Variants in TICRR observed in about 807,000 individuals in gnomAD.
TICRR encodes the protein TOPBP1 interacting checkpoint and replication regulator, also known as treslin.
Under a neutral mutation model 178.1 loss-of-function variants are expected in TICRR, and 132 were observed. That is an observed-to-expected ratio of 0.74 (90% CI 0.64 to 0.86). The LOEUF (loss-of-function observed/expected upper bound fraction) is 0.86, where lower values mean the gene tolerates loss of function less well. Among genes scored for constraint, TICRR ranks in the 40% least tolerant of loss-of-function variants. TICRR has a pLI of 0.00. For missense variants in TICRR, 2,587 were observed against 2,334.3 expected (o/e 1.11, Z -2.23); for synonymous variants, 991 against 900.7 (o/e 1.10, Z -1.79).
intron 15 of TICRR, 149 bp downstream of exon 15, chr15:89,609,098 A>ATTTTTTTTTTT (rs1404698569): frequency 6.0e-6 from 1 of 167,110 alleles, no homozygotes; most frequent in African/African-American, 5.9e-5. Context: ...AATTTTGTTA[A>ATTTTTTTTTTT]TCTTTTTTTT....
At chr15:89,607,803 C>T (rs1184732108) in intron 14 of TICRR, among the ~76,000 whole-genome samples, 1 of 152,084 alleles carries the variant, frequency 6.6e-6, no homozygotes, top group Non-Finnish European at 1.5e-5. Flanking sequence ...TCACTTCCAC[C>T]AGACTATCTT....
At position 89,625,656 on chromosome 15, in the gene TICRR, AGCTGAC is replaced by A; in HGVS notation, c.5347_5352del (p.Ala1783_Asp1784del). 2 of 1,613,742 alleles carry A rather than the reference AGCTGAC, an allele frequency of 1.2e-6. No individual in the cohort carries two copies. Among genetic ancestry groups the A allele is most frequent in the Non-Finnish European group, 1.7e-6 (2 of 1,180,028 alleles). On this transcript the variant is annotated inframe_deletion, in exon 20 of 22. Transcript: ENST00000268138. ...AGAGAGTCCTGTTGGCCAAGGAAGA[AGCTGAC>A]CGTGGAGCCAAAAGGATCTGTGACC...
At chr15:89,617,719 G>A (rs1963358191) in intron 16 of TICRR, among the ~76,000 whole-genome samples, 1 of 137,402 alleles carries the variant, frequency 7.3e-6, no homozygotes, top group Non-Finnish European at 1.5e-5. Flanking sequence ...TTGAGACAGA[G>A]TCTAGCTCTG....
At position 89,624,776 on chromosome 15, in the gene TICRR, AG is replaced by A; in HGVS notation, c.4470del (p.Leu1491Ter). On this transcript the variant is annotated frameshift_variant, in exon 20 of 22. Coordinates refer to ENST00000268138, the MANE Select transcript of TICRR (RefSeq NM_152259.4). LOFTEE classifies it high-confidence loss of function. The part of the protein sequence containing the change: ...KSNVLSVEEG[E>X]GLRTADAEKS... ...AACGTCTTATCAGTGGAAGAGGGTG[AG>A]GGGCTAAGGACAGCAGATGCTGAGA... is the stretch of plus-strand genomic sequence containing the variant. The A allele has an allele frequency of 6.2e-7, 1 of 1,614,176 alleles. No homozygotes were observed. Among genetic ancestry groups the A allele is most frequent in the Non-Finnish European group, 8.5e-7 (1 of 1,180,032 alleles).
At chr15:89,588,087 GGTGAGTGATGTTGGT>G (rs1405278512) in intron 4 of TICRR, among the ~76,000 whole-genome samples, 3 of 152,164 alleles carry the variant, frequency 2.0e-5, no homozygotes, top group African/African-American at 7.2e-5. Context: ...GGGATGCCAA[GGTGAGTGATGTTGGT>G]GTGAGTGTAC....
In TICRR at chr15:89,624,337, C is replaced by G. The variant is rs377334134; in HGVS notation, c.4027C>G (p.Pro1343Ala). 1.2e-6 allele frequency: 2 copies of G among 1,614,106 alleles called. No individual in the cohort carries two copies. Among genetic ancestry groups the G allele is most frequent in the Non-Finnish European group, 8.5e-7 (1 of 1,180,014 alleles). ...CCCAGGAGAACTGGATCAGAAAGAG[C>G]CCCAGATGTCACCCAGCGTAGCTGC... is the stretch of plus-strand genomic sequence containing the variant. ...PSPGELDQKE[P>A]QMSPSVAASL... The change falls in exon 20 of 22, where the codon CCC (proline) becomes GCC (alanine). Residue 1343 changes from proline (P) to alanine (A), a missense_variant. Physicochemically the swap from Pro to Ala is conservative, Grantham distance 27. Transcript: ENST00000268138.
rs1359009776 is a variant in TICRR at position 89,624,190 on chromosome 15, A to C, written c.3880A>C (p.Arg1294=). The change falls in exon 20 of 22, where the codon AGA becomes CGA. Residue 1294 remains arginine, a synonymous_variant. Coordinates refer to ENST00000268138, the MANE Select transcript of TICRR (RefSeq NM_152259.4). ...LKDKAIKTPK[R]PGNSTVTSSP... ...GGATAAAGCTATCAAAACTCCAAAA[A>C]GACCAGGGAATTCAACTGTGACTTC... 1.2e-6 allele frequency: 2 copies of C among 1,614,152 alleles called. No individual in the cohort carries two copies. Among genetic ancestry groups the C allele is most frequent in the East Asian group, 4.5e-5 (2 of 44,878 alleles).
chr15:89,627,217 G>A lies in TICRR; in HGVS notation c.*131G>A. On this transcript the variant is annotated 3_prime_UTR_variant, in exon 22 of 22. Coordinates refer to ENST00000268138, the MANE Select transcript of TICRR (RefSeq NM_152259.4). Reference sequence around the variant, plus strand: ...CAGATTGCCATTAGAATGCCTTAGGGTTTTCTAATTCCCCTTATGGATCCA... The same window carrying A: ...CAGATTGCCATTAGAATGCCTTAGGATTTTCTAATTCCCCTTATGGATCCA... 1.8e-6 allele frequency: 2 copies of A among 1,129,526 alleles called. No homozygotes were observed. The highest frequency in any genetic ancestry group is 1.3e-6 in the Non-Finnish European group (1 of 796,900). 70.0% of individuals were successfully genotyped at this position (1,129,526 alleles called of 1,614,324 possible).
chr15:89,619,191 A>T (rs1963382689), intron 17 of TICRR, among the ~76,000 whole-genome samples: 2 of 151,148 alleles, frequency 1.3e-5, no homozygotes, highest in South Asian at 4.2e-4. Flanking sequence ...AACCTAACAT[A>T]AATACTTGTT....
intron 4 of TICRR, chr15:89,591,383 C>G (rs1047508138): frequency 1.3e-5 from 2 of 152,118 alleles, no homozygotes; most frequent in Admixed American, 6.5e-5. Flanking sequence ...CTCGGCCTCC[C>G]AAAATGCTGG....
intron 7 of TICRR, among the ~76,000 whole-genome samples, chr15:89,597,986 G>T (rs1963026350): frequency 6.6e-6 from 1 of 152,104 alleles, no homozygotes; most frequent in African/African-American, 2.4e-5. Flanking sequence ...TATTTAGGGG[G>T]GGTGCTAATT....
chr15:89,596,243 A>G (rs1212970164), intron 7 of TICRR, among the ~76,000 whole-genome samples: 1 of 152,268 alleles, frequency 6.6e-6, no homozygotes, highest in African/African-American at 2.4e-5. Context: ...CCTTACTTTT[A>G]ATAGTATTTT....
rs1963050783 is a variant in TICRR, at chr15:89,599,177, C to T, written c.1901-147C>T. On this transcript the variant is annotated intron_variant, in intron 7 of 21. Coordinates refer to ENST00000268138, the MANE Select transcript of TICRR (RefSeq NM_152259.4). ...ACTAGATGGCCAGCAGCCACCCCCG[C>T]CCCCACCACCATCAGTCATGACAAT... 1.6e-5 allele frequency: 9 copies of T among 574,874 alleles called. 1 individual carries two copies. The highest frequency in any genetic ancestry group is 4.8e-5 in the South Asian group (2 of 41,568). 35.6% of individuals were successfully genotyped at this position (574,874 alleles called of 1,614,324 possible).
intron 9 of TICRR, among the ~76,000 whole-genome samples, chr15:89,600,983 C>G (rs1466058460): frequency 7.5e-6 from 1 of 133,696 alleles, no homozygotes; most frequent in Non-Finnish European, 1.5e-5. Context: ...GAGCTCAAGA[C>G]TACTGTGAGC....
intron 4 of TICRR, among the ~76,000 whole-genome samples, chr15:89,588,170 C>A (rs1962853275): frequency 6.6e-6 from 1 of 152,014 alleles, no homozygotes; most frequent in Admixed American, 6.5e-5. Context: ...ACATCATCAG[C>A]TGAAAATGAA....
intron 4 of TICRR, among the ~76,000 whole-genome samples, chr15:89,588,113 G>A (rs1055138313): frequency 6.6e-6 from 1 of 152,108 alleles, no homozygotes; most frequent in South Asian, 2.1e-4. Context: ...GTGAGTGTAC[G>A]GGGTTCTCTT....
chr15:89,600,453 G>A (rs980761893), intron 8 of TICRR, 132 bp from the exon 9 acceptor site: 12 of 457,064 alleles, frequency 2.6e-5, no homozygotes, highest in African/African-American at 6.1e-5. Context: ...GAATATTCAC[G>A]TCACTTTTTC....
In TICRR at chr15:89,619,711, T is replaced by A; in HGVS notation, c.3023T>A (p.Ile1008Lys). The A allele has an allele frequency of 6.2e-7, 1 of 1,607,352 alleles. No individual in the cohort carries two copies. The highest frequency in any genetic ancestry group is 1.1e-5 in the South Asian group (1 of 89,324). ...VEESPEKGDEISLRRSPRIKQ... is the reference protein window; with the variant it reads ...VEESPEKGDEKSLRRSPRIKQ... ...TACTGTGGTTCTGATTTTACAGAAA[T>A]AAGTCTGAGACGAAGTCCTCGAATC... The change falls in exon 18 of 22, where the codon ATA (isoleucine) becomes AAA (lysine). Residue 1008 changes from isoleucine (I) to lysine (K), a missense_variant. Transcript: ENST00000268138.
chr15:89,601,254 G>A, intron 9 of TICRR, 44 bp from the exon 10 acceptor site: 1 of 1,567,450 alleles, frequency 6.4e-7, no homozygotes, highest in South Asian at 1.1e-5. Flanking sequence ...TTTTTGTTTA[G>A]TGACATCCAA....
Sources: allele counts gnomAD v4.1 joint callset (sites outside exome capture counted in the v4.1 genomes callset), GRCh38; gene constraint gnomAD v4.1.1; transcripts MANE v1.5; gene names NCBI Gene and HGNC (gene_info 2026-07-23, HGNC 2026-07-21).